The following AGMO variants were observed in gnomAD, a reference collection of about 807,000 sequenced individuals.
AGMO encodes the protein alkylglycerol monooxygenase.
In AGMO, 75 loss-of-function variants were observed where a neutral mutation model predicts 60.2. The ratio of observed to expected loss-of-function variants is 1.25; its 90% CI spans 1.03 to 1.51. The LOEUF is 1.51. Ranked by LOEUF, AGMO falls within the 40% of genes most tolerant of loss-of-function variation. The pLI is 0.00. For synonymous variants in AGMO, 261 were observed against 177.1 expected (o/e 1.47, Z -3.76); for missense variants, 763 against 525.5 (o/e 1.45, Z -4.42).
intron 3 of AGMO, among the ~76,000 whole-genome samples, chr7:15,543,518 C>G (rs749224398): frequency 1.3e-5 from 2 of 152,128 alleles, no homozygotes; most frequent in Non-Finnish European, 2.9e-5. Context: ...ATTGCATTTT[C>G]ATTTGTAATG....
At chr7:15,127,916 G>C in the AGMO span, among the ~76,000 whole-genome samples, 1 of 151,972 alleles carries the variant, frequency 6.6e-6, no homozygotes, top group Admixed American at 6.6e-5. Flanking sequence ...AATTTACGGT[G>C]TTTTCTTCAC....
intron 12 of AGMO, among the ~76,000 whole-genome samples, chr7:15,330,055 T>A (rs1449663731): frequency 4.9e-5 from 6 of 122,874 alleles, no homozygotes; most frequent in Non-Finnish European, 9.6e-5. Context: ...AAATATAGAA[T>A]TATTTTCTTT....
intron 5 of AGMO, among the ~76,000 whole-genome samples, chr7:15,406,069 G>T (rs1320514602): frequency 6.6e-6 from 1 of 151,566 alleles, no homozygotes; most frequent in South Asian, 2.1e-4. Context: ...CCAGCTTCAG[G>T]TAGCTCAGTA....
chr7:15,160,960 C>G, the AGMO span, among the ~76,000 whole-genome samples: 1 of 152,246 alleles, frequency 6.6e-6, no homozygotes, highest in East Asian at 1.9e-4. Context: ...GCTACATCAT[C>G]TCATGGATGA....
At chr7:15,480,144 C>A (rs937415889) in intron 3 of AGMO, among the ~76,000 whole-genome samples, 3 of 152,152 alleles carry the variant, frequency 2.0e-5, no homozygotes, top group African/African-American at 7.2e-5. Context: ...GCAGTAGTTA[C>A]TTCCGAGATA....
intron 12 of AGMO, among the ~76,000 whole-genome samples, chr7:15,204,792 C>G (rs1781398137): frequency 6.6e-6 from 1 of 152,102 alleles, no homozygotes; most frequent in Non-Finnish European, 1.5e-5. Context: ...GTCAGTAATC[C>G]ATATTAAAAT....
At chr7:15,287,555 T>C (rs1784133529) in intron 12 of AGMO, among the ~76,000 whole-genome samples, 1 of 152,208 alleles carries the variant, frequency 6.6e-6, no homozygotes, top group Non-Finnish European at 1.5e-5. Flanking sequence ...TCATGATAGA[T>C]TTCAGTCAAT....
At chr7:15,382,139 A>C (rs560283809) in intron 10 of AGMO, among the ~76,000 whole-genome samples, 1 of 152,296 alleles carries the variant, frequency 6.6e-6, no homozygotes, top group African/African-American at 2.4e-5. Context: ...CTATGTAACA[A>C]AACTGCACAT....
intron 3 of AGMO, among the ~76,000 whole-genome samples, chr7:15,455,079 TCTCA>T (rs1013661278): frequency 1.5e-4 from 16 of 104,250 alleles, no homozygotes; most frequent in South Asian, 7.7e-4. Context: ...TCTCTCTCTT[TCTCA>T]CACACACACA....
At chr7:15,171,528 C>T in the AGMO span, among the ~76,000 whole-genome samples, 1 of 152,134 alleles carries the variant, frequency 6.6e-6, no homozygotes. Context: ...TCCTGGAGGG[C>T]AGAATATCAA....
At chr7:15,301,333 G>A (rs1784553828) in intron 12 of AGMO, among the ~76,000 whole-genome samples, 1 of 152,090 alleles carries the variant, frequency 6.6e-6, no homozygotes, top group African/African-American at 2.4e-5. Context: ...CAGCAACTCG[G>A]GAGGCTGTGG....
chr7:15,244,213 G>A (rs544867971), intron 12 of AGMO, among the ~76,000 whole-genome samples: 100 of 152,236 alleles, frequency 6.6e-4, no homozygotes, highest in African/African-American at 2.1e-3. Flanking sequence ...AAATGTGAGA[G>A]AAAATAAACA....
At chr7:15,175,748 ATTTAC>A in the AGMO span, among the ~76,000 whole-genome samples, 16 of 151,974 alleles carry the variant, frequency 1.1e-4, no homozygotes, top group East Asian at 1.4e-3. Flanking sequence ...TATAACTTTA[ATTTAC>A]TTTAAGGAAA....
rs1210926252 is a variant in AGMO, at chr7:15,354,506, A to ACGCG, written c.1263+11007_1263+11008insCGCG. Among the ~76,000 whole-genome samples the ACGCG allele has an allele frequency of 4.7e-4, 24 of 51,034 alleles. 2 individuals are homozygous for ACGCG. The South Asian group carries it at 7.8e-3, about 17-fold the overall frequency. The allele number at this position is 51,034 out of a possible 152,430, so 33.5% of individuals were successfully genotyped here. ...TGTATATACACACGTGTATATATAT[A>ACGCG]TATATATATATATATATATATATAT... is the stretch of plus-strand genomic sequence containing the variant. On this transcript the variant is annotated intron_variant, in intron 12 of 12. Coordinates refer to ENST00000342526, the MANE Select transcript of AGMO (RefSeq NM_001004320.2).
At position 15,244,060 on chromosome 7, in the gene AGMO, A is replaced by G. The variant is rs1782670826; in HGVS notation, c.1264-42701T>C. On this transcript the variant is annotated intron_variant, in intron 12 of 12. Coordinates refer to ENST00000342526, the MANE Select transcript of AGMO (RefSeq NM_001004320.2). ...TGCTCTTTTGTCCTTTCCTAAAAGC[A>G]TTTTGTTCAGATCTCCTAGCAAACC... is the stretch of plus-strand genomic sequence containing the variant. 2.0e-5 allele frequency among the ~76,000 whole-genome samples: 3 copies of G among 152,186 alleles called. No homozygotes were observed. The South Asian group carries it at 6.2e-4, about 31-fold the overall frequency.
chr7:15,344,456 T>G lies in AGMO; in HGVS notation c.1263+21058A>C, dbSNP rs555259620. ...AGCTCACTCCTGTAATGCCAGCACT[T>G]TGGGAGGCCGAGGCAGATGGACTGC... On this transcript the variant is annotated intron_variant, in intron 12 of 12. Coordinates refer to ENST00000342526, the MANE Select transcript of AGMO (RefSeq NM_001004320.2). Among the ~76,000 whole-genome samples, 261 of 152,258 alleles carry G rather than the reference T, an allele frequency of 1.7e-3. 2 individuals are homozygous for G. The highest frequency in any genetic ancestry group is 5.9e-3 in the African/African-American group (243 of 41,538).
Position 15,212,620 on chromosome 7 carries a change from T to C in AGMO, c.1264-11261A>G, listed in dbSNP as rs190701076. Reference sequence around the variant, plus strand: ...CTACTGACTTAGCTTACTTGTAAAATGAATCATATCTAGCACAGCTATCTT... The same window carrying C: ...CTACTGACTTAGCTTACTTGTAAAACGAATCATATCTAGCACAGCTATCTT... On this transcript the variant is annotated intron_variant, in intron 12 of 12. Coordinates refer to ENST00000342526, the MANE Select transcript of AGMO (RefSeq NM_001004320.2). Among the ~76,000 whole-genome samples the C allele has an allele frequency of 4.6e-5, 7 of 152,100 alleles. No individual in the cohort carries two copies. In the East Asian group the frequency reaches 7.7e-4, roughly 17 times the overall value.
At chr7:15,541,071 G>C (rs1784615416) in intron 3 of AGMO, among the ~76,000 whole-genome samples, 2 of 151,692 alleles carry the variant, frequency 1.3e-5, no homozygotes, top group African/African-American at 4.9e-5. Flanking sequence ...CTAATAAAAT[G>C]TACAAAGAAA....
intron 12 of AGMO, among the ~76,000 whole-genome samples, chr7:15,346,811 CTTATTA>C (rs560208774): frequency 6.6e-6 from 1 of 151,574 alleles, no homozygotes; most frequent in African/African-American, 2.4e-5. Context: ...TGAACTGTAT[CTTATTA>C]TTATGATTTT....
Sources: gnomAD v4.1 joint callset for allele counts (sites outside exome capture counted in the v4.1 genomes callset) on GRCh38, gnomAD v4.1.1 for gene constraint, MANE v1.5 for transcripts, NCBI Gene and HGNC (gene_info 2026-07-23, HGNC 2026-07-21) for gene names.